FAM53A: variants seen among roughly 807,000 people sequenced by gnomAD.
FAM53A encodes the protein protein FAM53A.
A neutral mutation model predicts 26.6 loss-of-function variants in FAM53A; 28 were observed. The observed-to-expected ratio is 1.05, with a 90% CI of 0.78 to 1.45. The LOEUF (loss-of-function observed/expected upper bound fraction) is 1.45. Among genes scored for constraint, FAM53A ranks in the 40% most tolerant of loss-of-function variants. The probability of loss-of-function intolerance (pLI) is 0.00; values close to 1 mark genes in which losing one functional copy is unlikely to be tolerated. For missense variants in FAM53A, 650 were observed against 575.8 expected (o/e 1.13, Z -1.32); for synonymous variants, 290 against 253.1 (o/e 1.15, Z -1.38).
At chr4:1,599,918 C>CCCTCCCCCTCCTATTTCCTCT in the FAM53A span, among the ~76,000 whole-genome samples, 1 of 151,964 alleles carries the variant, frequency 6.6e-6, no homozygotes, top group Non-Finnish European at 1.5e-5. The surrounding 1 kb of genome is among the most constrained non-coding windows in gnomAD (Gnocchi z 6.1). Context: ...GTACTGCCGC[C>CCCTCCCCCTCCTATTTCCTCT]CCTCCCCCTC....
At chr4:1,626,503 G>A (rs559101396) in intron 1 of FAM53A, among the ~76,000 whole-genome samples, 2 of 151,706 alleles carry the variant, frequency 1.3e-5, no homozygotes, top group South Asian at 4.2e-4. Context: ...GGGGGGACCA[G>A]GGGAGGACCC....
the FAM53A span, among the ~76,000 whole-genome samples, chr4:1,600,985 G>A: frequency 2.1e-4 from 32 of 152,100 alleles, 1 homozygote; most frequent in African/African-American, 7.2e-4. Flanking sequence ...GGGAGGGGCC[G>A]AGAAGCTCAA....
chr4:1,608,314 C>T, the FAM53A span, among the ~76,000 whole-genome samples: 4 of 152,152 alleles, frequency 2.6e-5, no homozygotes, highest in Non-Finnish European at 4.4e-5. Flanking sequence ...TCCAGACCTC[C>T]GTGTAAACAT....
chr4:1,576,689 G>A, the FAM53A span, among the ~76,000 whole-genome samples: 9 of 152,344 alleles, frequency 5.9e-5, no homozygotes, highest in East Asian at 1.7e-3. Flanking sequence ...GGCAGGCCGG[G>A]GACGCCGCAG....
At chr4:1,635,226 G>C (rs546846214), downstream of FAM53A, among the ~76,000 whole-genome samples, 5 of 152,282 alleles carry the variant, frequency 3.3e-5, no homozygotes, top group East Asian at 9.6e-4. Flanking sequence ...AGAAAACCTT[G>C]TGGGTCTTCT....
intron 1 of FAM53A, among the ~76,000 whole-genome samples, chr4:1,623,730 C>T (rs532090922): frequency 2.0e-5 from 3 of 152,360 alleles, no homozygotes; most frequent in South Asian, 2.1e-4. Flanking sequence ...GTGCGGCCGC[C>T]GCGGATCGGA....
chr4:1,607,477 G>A, the FAM53A span, among the ~76,000 whole-genome samples: 1 of 152,094 alleles, frequency 6.6e-6, no homozygotes, highest in Non-Finnish European at 1.5e-5. Flanking sequence ...CGTCAACTCA[G>A]GAGCAAAGTG....
chr4:1,620,827 A>G (rs1183587293), intron 1 of FAM53A, among the ~76,000 whole-genome samples: 1 of 152,224 alleles, frequency 6.6e-6, no homozygotes, highest in Non-Finnish European at 1.5e-5. Context: ...TCAACACGGT[A>G]GCAGCAACCA....
At chr4:1,620,947 T>C (rs533557427) in intron 1 of FAM53A, among the ~76,000 whole-genome samples, 1 of 152,222 alleles carries the variant, frequency 6.6e-6, no homozygotes, top group Admixed American at 6.5e-5. Context: ...GGCTTTTTTC[T>C]GCTCCACCTC....
chr4:1,605,769 GGC>G, the FAM53A span, among the ~76,000 whole-genome samples: 3 of 152,144 alleles, frequency 2.0e-5, no homozygotes, highest in African/African-American at 7.2e-5. The surrounding 1 kb of genome is among the most constrained non-coding windows in gnomAD (Gnocchi z 5.7). Flanking sequence ...GAAACCCTGG[GGC>G]GGGCACAGCT....
intron 4 of FAM53A, chr4:1,644,953 T>C (rs1007051845): frequency 6.6e-6 from 1 of 152,312 alleles, no homozygotes; most frequent in African/African-American, 2.4e-5. Flanking sequence ...CCTCTGGCTT[T>C]TGTCAAACTA....
intron 1 of FAM53A, among the ~76,000 whole-genome samples, chr4:1,671,666 G>A (rs1714670165): frequency 6.6e-6 from 1 of 152,094 alleles, no homozygotes; most frequent in African/African-American, 2.4e-5. Context: ...ACAGGATGGG[G>A]CTCTATGGCT....
At chr4:1,637,125 G>C (rs567005334), downstream of FAM53A, among the ~76,000 whole-genome samples, 1 of 152,048 alleles carries the variant, frequency 6.6e-6, no homozygotes, top group African/African-American at 2.4e-5. Context: ...ACAAGCTCTC[G>C]GCACAGGGAG....
the FAM53A span, among the ~76,000 whole-genome samples, chr4:1,607,185 AT>A: frequency 6.6e-6 from 1 of 152,062 alleles, no homozygotes; most frequent in African/African-American, 2.4e-5. Flanking sequence ...CACCCGGCTG[AT>A]TTTTGTATTT....
intron 1 of FAM53A, among the ~76,000 whole-genome samples, chr4:1,674,273 A>G (rs1284381605): frequency 6.6e-6 from 1 of 152,142 alleles, no homozygotes; most frequent in Non-Finnish European, 1.5e-5. Flanking sequence ...CCTTCTCCCC[A>G]GCGCCACAGA....
chr4:1,611,739 A>C, the FAM53A span, among the ~76,000 whole-genome samples: 2 of 152,178 alleles, frequency 1.3e-5, no homozygotes, highest in South Asian at 4.2e-4. Context: ...AGGGCCCCCC[A>C]CCCTGGCCAT....
At chr4:1,661,627 C>T (rs969037345) in intron 2 of FAM53A, among the ~76,000 whole-genome samples, 18 of 131,092 alleles carry the variant, frequency 1.4e-4, no homozygotes, top group African/African-American at 5.1e-4. Context: ...GCCCCAATGG[C>T]CTTTGCCCAC....
chr4:1,621,678 T>G (rs1478077936), intron 1 of FAM53A, among the ~76,000 whole-genome samples: 1 of 152,024 alleles, frequency 6.6e-6, no homozygotes, highest in Non-Finnish European at 1.5e-5. Flanking sequence ...ACTGGGGCAG[T>G]CCCCCCATCC....
intron 4 of FAM53A, among the ~76,000 whole-genome samples, chr4:1,647,089 C>T (rs1028656695): frequency 6.6e-6 from 1 of 152,064 alleles, no homozygotes; most frequent in Non-Finnish European, 1.5e-5. Flanking sequence ...AATCCCAGCA[C>T]TTTGGGAGGC....
Sources: gnomAD v4.1 joint callset for allele counts (sites outside exome capture counted in the v4.1 genomes callset) on GRCh38, gnomAD v4.1.1 for gene constraint, Gnocchi (gnomAD v3.1) non-coding constraint, MANE v1.5 for transcripts, NCBI Gene and HGNC (gene_info 2026-07-23, HGNC 2026-07-21) for gene names.